The following METAP1 variants were observed in gnomAD, a reference collection of about 807,000 sequenced individuals.
METAP1 encodes methionine aminopeptidase 1.
Under a neutral mutation model 53.8 loss-of-function variants are expected in METAP1, and 28 were observed. The observed-to-expected ratio is 0.52, with a 90% CI of 0.39 to 0.71. The LOEUF is 0.71. Ranked by LOEUF, METAP1 falls within the 30% of genes least tolerant of loss-of-function variation. METAP1 has a pLI of 0.00. For synonymous variants in METAP1, 181 were observed against 165.7 expected (o/e 1.09, Z -0.71); for missense variants, 389 against 479.8 (o/e 0.81, Z 1.77).
intron 4 of METAP1, 57 bp from the exon 5 acceptor site, chr4:99,039,317 A>T (rs1213012043): frequency 9.7e-7 from 1 of 1,028,950 alleles, no homozygotes; most frequent in African/African-American, 1.6e-5. Flanking sequence ...TAATTATGCA[A>T]ATAAATACTA....
chr4:98,995,977 C>T (rs551651918), intron 1 of METAP1, 110 bp downstream of exon 1: 8 of 848,536 alleles, frequency 9.4e-6, no homozygotes, highest in South Asian at 1.5e-5. Context: ...TCCTCCTCTT[C>T]CCCCCGGCCG....
intron 1 of METAP1, among the ~76,000 whole-genome samples, chr4:99,014,491 C>T (rs759382709): frequency 6.6e-6 from 1 of 152,098 alleles, no homozygotes; most frequent in Non-Finnish European, 1.5e-5. Context: ...ATAGTTTATC[C>T]AGTCTACATT....
At chr4:99,043,156 C>G in intron 6 of METAP1, 93 bp from the exon 7 acceptor site, 1 of 916,412 alleles carries the variant, frequency 1.1e-6, no homozygotes. Flanking sequence ...TAGCATGTGT[C>G]CAACTGTTTT....
intron 1 of METAP1, among the ~76,000 whole-genome samples, chr4:99,013,024 T>A (rs1723563768): frequency 6.6e-6 from 1 of 152,174 alleles, no homozygotes; most frequent in South Asian, 2.1e-4. Flanking sequence ...AGACCAAGGT[T>A]CTTACTATGC....
chr4:99,026,895 G>GT, intron 1 of METAP1: 1 of 971,776 alleles, frequency 1.0e-6, no homozygotes, highest in Non-Finnish European at 1.2e-6. Flanking sequence ...GAATATTTTG[G>GT]TTACTTTATG....
At chr4:99,028,987 C>A (rs918870978) in intron 2 of METAP1, 69 bp downstream of exon 2, 5 of 1,012,680 alleles carry the variant, frequency 4.9e-6, no homozygotes, top group Non-Finnish European at 7.3e-6. Flanking sequence ...AACAAGAATT[C>A]TTCTAGTTCT....
At chr4:99,012,437 G>A (rs1723524776) in intron 1 of METAP1, among the ~76,000 whole-genome samples, 1 of 151,540 alleles carries the variant, frequency 6.6e-6, no homozygotes. Flanking sequence ...ACCACGCCCG[G>A]CTAATTTTTG....
At chr4:99,053,095 C>T (rs1235913527) in intron 9 of METAP1, among the ~76,000 whole-genome samples, 1 of 152,250 alleles carries the variant, frequency 6.6e-6, no homozygotes, top group Non-Finnish European at 1.5e-5. Context: ...TCCACCACAT[C>T]TGCAGTTACT....
Position 98,995,979 on chromosome 4 carries a change from C to T in METAP1, c.114+112C>T, listed in dbSNP as rs531091868. The T allele has an allele frequency of 1.4e-4, 117 of 853,280 alleles. No individual in the cohort carries two copies. The African/African-American group carries it at 1.7e-3, about 13-fold the overall frequency. The allele number at this position is 853,280 out of a possible 1,614,324, so 52.9% of individuals were successfully genotyped here. ...AGTCGGGACGCGCTCCTCCTCTTCC[C>T]CCCGGCCGCGTTTCCTCCTCCCCCC... On this transcript the variant is annotated intron_variant, in intron 1 of 10. Transcript: ENST00000296411.
chr4:99,007,469 G>T (rs1723229998), intron 1 of METAP1, among the ~76,000 whole-genome samples: 2 of 151,984 alleles, frequency 1.3e-5, no homozygotes, highest in Non-Finnish European at 2.9e-5. Context: ...TCTCTGAGTG[G>T]TTTTAGCATT....
chr4:99,027,254 G>A (rs1050318702), intron 1 of METAP1, among the ~76,000 whole-genome samples: 14 of 152,172 alleles, frequency 9.2e-5, no homozygotes, highest in Non-Finnish European at 1.8e-4. Context: ...TAGTGTGCAT[G>A]GGGAAGAATC....
At chr4:99,054,772 G>A (rs1270680317) in intron 9 of METAP1, among the ~76,000 whole-genome samples, 1 of 152,136 alleles carries the variant, frequency 6.6e-6, no homozygotes, top group African/African-American at 2.4e-5. Flanking sequence ...TTTCAGTATT[G>A]TGTTTCAGGG....
intron 1 of METAP1, among the ~76,000 whole-genome samples, chr4:99,008,348 G>A (rs911604603): frequency 1.3e-5 from 2 of 152,122 alleles, no homozygotes; most frequent in East Asian, 1.9e-4. Flanking sequence ...TGAAATGATC[G>A]TTAGTAGGGA....
At chr4:99,002,842 A>C (rs1041379017) in intron 1 of METAP1, among the ~76,000 whole-genome samples, 8 of 152,116 alleles carry the variant, frequency 5.3e-5, no homozygotes, top group African/African-American at 1.4e-4. Context: ...TGGGAGGCTG[A>C]GGCGGGCAGA....
At chr4:99,014,167 A>G (rs957910507) in intron 1 of METAP1, among the ~76,000 whole-genome samples, 4 of 152,228 alleles carry the variant, frequency 2.6e-5, no homozygotes, top group African/African-American at 9.6e-5. Flanking sequence ...AGGTTAAGAT[A>G]TCTTTCCAAT....
chr4:99,018,880 C>A (rs1723927656), intron 1 of METAP1, among the ~76,000 whole-genome samples: 1 of 152,136 alleles, frequency 6.6e-6, no homozygotes, highest in Non-Finnish European at 1.5e-5. Context: ...CCCCTTGGAA[C>A]CTTTAAATGT....
At position 99,061,446 on chromosome 4, in the gene METAP1, G is replaced by T; in HGVS notation, c.*129G>T. ...TGACTATAGATAAGAAAGGACTACA[G>T]CATTTGATGTGTGTCCTCAAGAACT... On this transcript the variant is annotated 3_prime_UTR_variant, in exon 11 of 11. Coordinates refer to ENST00000296411, the MANE Select transcript of METAP1 (RefSeq NM_015143.3). The T allele has an allele frequency of 3.7e-6, 3 of 814,872 alleles. No individual in the cohort carries two copies. The South Asian group carries it at 6.7e-5, about 18-fold the overall frequency. The allele number at this position is 814,872 out of a possible 1,614,324, so 50.5% of individuals were successfully genotyped here.
intron 7 of METAP1, among the ~76,000 whole-genome samples, chr4:99,044,006 C>T (rs1726049764): frequency 6.6e-6 from 1 of 152,170 alleles, no homozygotes; most frequent in Non-Finnish European, 1.5e-5. Flanking sequence ...CACCATGGCT[C>T]ACTGCAGTCT....
At chr4:99,001,070 A>G (rs1374875105) in intron 1 of METAP1, among the ~76,000 whole-genome samples, 1 of 152,242 alleles carries the variant, frequency 6.6e-6, no homozygotes. Flanking sequence ...TATAACATGC[A>G]GTATCTTTGA....
Sources: allele counts gnomAD v4.1 joint callset (sites outside exome capture counted in the v4.1 genomes callset), GRCh38; gene constraint gnomAD v4.1.1; transcripts MANE v1.5; gene names NCBI Gene and HGNC (gene_info 2026-07-23, HGNC 2026-07-21).